The following RAB40B variants were observed in gnomAD, a reference collection of about 807,000 sequenced individuals.
The protein encoded by RAB40B is ras-related protein Rab-40B.
A neutral mutation model predicts 24.0 loss-of-function variants in RAB40B; 21 were observed. That is an observed-to-expected ratio of 0.88 (90% CI 0.62 to 1.26). The LOEUF is 1.26. Ranked by LOEUF, RAB40B falls within the 50% of genes most tolerant of loss-of-function variation. RAB40B has a pLI of 0.00. For missense variants in RAB40B, 348 were observed against 390.5 expected, an observed-to-expected ratio of 0.89 and a Z score of 0.92; for synonymous variants, 167 against 169.8, an observed-to-expected ratio of 0.98 and a Z score of 0.13.
rs945354945 is a variant in RAB40B at position 82,692,506 on chromosome 17, A to C, written c.142+5949T>G. Among the ~76,000 whole-genome samples the C allele has an allele frequency of 9.9e-5, 15 of 151,952 alleles. No homozygotes were observed. The highest frequency in any genetic ancestry group is 1.9e-4 in the Non-Finnish European group (13 of 67,986). Reference sequence around the variant, plus strand: ...AGACAGAGTCTGACCCGGGGCACACACACAAGAGACAGGCGGGCCAACGGT... The same window carrying C: ...AGACAGAGTCTGACCCGGGGCACACCCACAAGAGACAGGCGGGCCAACGGT... On this transcript the variant is annotated intron_variant, in intron 1 of 5. Coordinates refer to ENST00000571995, the MANE Select transcript of RAB40B (RefSeq NM_006822.3). The surrounding 1 kb of genome is among the most constrained non-coding windows in gnomAD (Gnocchi z 4.0).
intron 1 of RAB40B, among the ~76,000 whole-genome samples, chr17:82,676,046 C>T (rs1164493827): frequency 6.6e-6 from 1 of 152,124 alleles, no homozygotes; most frequent in African/African-American, 2.4e-5. Context: ...GGATCAAATC[C>T]AGTCCCAACA....
chr17:82,670,029 GATAT>G (rs1362121445), intron 1 of RAB40B, among the ~76,000 whole-genome samples: 1 of 152,142 alleles, frequency 6.6e-6, no homozygotes. Context: ...CTCCAGCTTT[GATAT>G]GTCTGTCTCC....
At chr17:82,658,465 GC>G (rs754818250) in intron 5 of RAB40B, 25 bp downstream of exon 5, 1 of 1,607,464 alleles carries the variant, frequency 6.2e-7, no homozygotes. Flanking sequence ...GGCAGAGGTG[GC>G]CCCCGGAATA....
At position 82,658,567 on chromosome 17, in the gene RAB40B, G is replaced by A. The variant is rs2143441037; in HGVS notation, c.489C>T (p.Ile163=). The change falls in exon 5 of 6, where the codon ATC becomes ATT. Residue 163 remains isoleucine (I), a synonymous_variant. Coordinates refer to ENST00000571995, the MANE Select transcript of RAB40B (RefSeq NM_006822.3). ...FEVSPLCNFN[I]TESFTELARI... is the part of the protein sequence containing the mutation. ...TGGCCAGCTCCGTGAACGACTCTGT[G>A]ATGTTGAAATTGCACAGAGGGCTGA... is the stretch of plus-strand genomic sequence containing the variant. 1 of 1,613,532 alleles carries A rather than the reference G, an allele frequency of 6.2e-7. No individual in the cohort carries two copies. The highest frequency in any genetic ancestry group is 8.5e-7 in the Non-Finnish European group (1 of 1,179,986).
chr17:82,677,650 C>T (rs1335597182), intron 1 of RAB40B, among the ~76,000 whole-genome samples: 3 of 152,228 alleles, frequency 2.0e-5, no homozygotes, highest in Non-Finnish European at 4.4e-5. Flanking sequence ...TCCTCGTCCA[C>T]CACCCGTCTC....
At chr17:82,664,352 G>GGGC (rs2046226089) in intron 2 of RAB40B, 144 bp downstream of exon 2, 1 of 753,988 alleles carries the variant, frequency 1.3e-6, no homozygotes, top group Non-Finnish European at 2.2e-6. Flanking sequence ...GACGGTGGTG[G>GGGC]TGGGAGGGTG....
intron 1 of RAB40B, among the ~76,000 whole-genome samples, chr17:82,685,983 T>C (rs571927964): frequency 6.6e-6 from 1 of 152,100 alleles, no homozygotes; most frequent in Non-Finnish European, 1.5e-5. Flanking sequence ...TTTGTATTTT[T>C]AGTAGAGACG....
At chr17:82,664,886 T>C in intron 1 of RAB40B, 1 of 254,260 alleles carries the variant, frequency 3.9e-6, no homozygotes, top group Non-Finnish European at 7.7e-6. Flanking sequence ...GGCCGCTGGG[T>C]GTGCCCCCGT....
intron 4 of RAB40B, chr17:82,659,306 A>T: frequency 2.2e-6 from 1 of 457,222 alleles, no homozygotes; most frequent in Non-Finnish European, 4.0e-6. Flanking sequence ...GGAGTGAAGC[A>T]GGCCAAACCT....
chr17:82,695,006 C>A (rs1236300846), intron 1 of RAB40B, among the ~76,000 whole-genome samples: 2 of 151,712 alleles, frequency 1.3e-5, no homozygotes, highest in Non-Finnish European at 1.5e-5. Context: ...CTTTGGTGAG[C>A]ACTGACTGTA....
rs1007643455 is a variant in RAB40B, at chr17:82,697,478, C to G, written c.142+977G>C. Among the ~76,000 whole-genome samples, 1 of 152,184 alleles carries G rather than the reference C, an allele frequency of 6.6e-6. No homozygotes were observed. Among genetic ancestry groups the G allele is most frequent in the Non-Finnish European group, 1.5e-5 (1 of 68,038 alleles). On this transcript the variant is annotated intron_variant, in intron 1 of 5. Transcript: ENST00000571995. This position sits in a 1 kb window ranked among gnomAD's most constrained non-coding sequence, Gnocchi z 4.9. ...ATCTCCACGCCCGGCTGCCCTCCTCCGCCCAGGACTCAGAGCGGGTCTCTG... is the reference window on the plus strand; with the variant it reads ...ATCTCCACGCCCGGCTGCCCTCCTCGGCCCAGGACTCAGAGCGGGTCTCTG...
At chr17:82,684,198 G>A (rs1406634574) in intron 1 of RAB40B, among the ~76,000 whole-genome samples, 1 of 138,314 alleles carries the variant, frequency 7.2e-6, no homozygotes, top group Non-Finnish European at 1.6e-5. Context: ...TCTAGCCTGG[G>A]TGAGAGAGTG....
chr17:82,662,621 G>A, intron 2 of RAB40B: 1 of 985,322 alleles, frequency 1.0e-6, no homozygotes, highest in African/African-American at 1.7e-5. Flanking sequence ...CGGTGGGAGT[G>A]TGACCTTGCT....
chr17:82,658,357 A>G, intron 5 of RAB40B, 134 bp downstream of exon 5: 1 of 1,152,946 alleles, frequency 8.7e-7, no homozygotes, highest in Non-Finnish European at 1.2e-6. Context: ...TACTTCTCTC[A>G]AATGCCTTGC....
chr17:82,684,049 T>C (rs991041957), intron 1 of RAB40B, among the ~76,000 whole-genome samples: 31 of 151,642 alleles, frequency 2.0e-4, no homozygotes, highest in African/African-American at 6.5e-4. Flanking sequence ...GGTGAAACCC[T>C]GTCTCTACTA....
At position 82,658,067 on chromosome 17, in the gene RAB40B, C is replaced by T. The variant is rs562238815; in HGVS notation, c.633G>A (p.Lys211=). 1.9e-6 allele frequency: 3 copies of T among 1,614,196 alleles called. No homozygotes were observed. Among genetic ancestry groups the T allele is most frequent in the African/African-American group, 2.7e-5 (2 of 75,054 alleles). ...TTCTTAAGGCAATGGGGAGCGGGAGCTTGTCCACCAGGTGCACCGGCGTGC... is the reference window on the plus strand; with the variant it reads ...TTCTTAAGGCAATGGGGAGCGGGAGTTTGTCCACCAGGTGCACCGGCGTGC... ...VSCTPVHLVD[K]LPLPIALRSH... is the part of the protein sequence containing the mutation. Residue 211 remains lysine, a synonymous_variant, in exon 6 of 6, where the codon AAG becomes AAA. Transcript: ENST00000571995.
At chr17:82,682,452 T>G (rs1425189717) in intron 1 of RAB40B, among the ~76,000 whole-genome samples, 1 of 152,206 alleles carries the variant, frequency 6.6e-6, no homozygotes, top group Non-Finnish European at 1.5e-5. Flanking sequence ...TGTTCATGAT[T>G]GACAGAATCA....
rs2046270219 is a variant in RAB40B, at chr17:82,667,304, C to A, written c.143-2748G>T. On this transcript the variant is annotated intron_variant, in intron 1 of 5. Transcript: ENST00000571995. The surrounding 1 kb of genome is among the most constrained non-coding windows in gnomAD (Gnocchi z 4.3). ...TGGCGGTGCCACCGGTGGCCTCCCA[C>A]TTGGCTTGGACAGCTGGTCGCCCAC... Among the ~76,000 whole-genome samples, 1 of 152,248 alleles carries A rather than the reference C, an allele frequency of 6.6e-6. No homozygotes were observed. Among genetic ancestry groups the A allele is most frequent in the African/African-American group, 2.4e-5 (1 of 41,464 alleles).
chr17:82,658,241 C>T (rs1462153161), intron 5 of RAB40B, 107 bp from the exon 6 acceptor site: 45 of 1,465,574 alleles, frequency 3.1e-5, no homozygotes, highest in Admixed American at 4.3e-5. Flanking sequence ...CTCGGACGCC[C>T]GTGGCCCTGG....
Sources: allele counts gnomAD v4.1 joint callset (sites outside exome capture counted in the v4.1 genomes callset), GRCh38; gene constraint gnomAD v4.1.1; non-coding constraint Gnocchi (gnomAD v3.1); transcripts MANE v1.5; gene names NCBI Gene and HGNC (gene_info 2026-07-23, HGNC 2026-07-21).